The following ZC3H12D variants were observed in gnomAD, a reference collection of about 807,000 sequenced individuals.
The protein encoded by ZC3H12D is zinc finger CCCH-type containing 12D.
ZC3H12D carries 11 observed loss-of-function variants against 24.2 expected under a neutral mutation model. The ratio of observed to expected loss-of-function variants is 0.46; its 90% confidence interval spans 0.29 to 0.75. The LOEUF (loss-of-function observed/expected upper bound fraction) is 0.75. Among genes scored for constraint, ZC3H12D ranks in the 30% least tolerant of loss-of-function variants. The pLI is 0.11. For synonymous variants in ZC3H12D, 333 were observed against 341.8 expected, an observed-to-expected ratio of 0.97 and a Z score of 0.28; for missense variants, 740 against 767.7, an observed-to-expected ratio of 0.96 and a Z score of 0.43.
In ZC3H12D at chr6:149,447,503, G is replaced by A. The variant is rs1311179023; in HGVS notation, c.*3180C>T. ...TCCTGAACTCATGAAGCCCACCAAAGTGCTGGGATTACAGACATGAGCCAT... is the reference window on the plus strand; with the variant it reads ...TCCTGAACTCATGAAGCCCACCAAAATGCTGGGATTACAGACATGAGCCAT... On this transcript the variant is annotated 3_prime_UTR_variant, in exon 6 of 6. Transcript: ENST00000409806. The A allele has an allele frequency of 2.0e-5, 3 of 152,122 alleles. No individual in the cohort carries two copies. Among genetic ancestry groups the A allele is most frequent in the Non-Finnish European group, 4.4e-5 (3 of 68,044 alleles). The allele number at this position is 152,122 out of a possible 1,614,324, so 9.4% of individuals were successfully genotyped here.
In ZC3H12D at chr6:149,477,067, G is replaced by A. The variant is rs781717714; in HGVS notation, c.-70-2454C>T. Among the ~76,000 whole-genome samples, 13 of 152,202 alleles carry A rather than the reference G, an allele frequency of 8.5e-5. No homozygotes were observed. In the East Asian group the frequency reaches 9.6e-4, roughly 11 times the overall value. Reference sequence around the variant, plus strand: ...ACAAATCAGGCTCAGTGAACATTCCGGCACATCCACCTTTCTCCCTCATCC... The same window carrying A: ...ACAAATCAGGCTCAGTGAACATTCCAGCACATCCACCTTTCTCCCTCATCC... On this transcript the variant is annotated intron_variant, in intron 1 of 5. Coordinates refer to ENST00000409806, the MANE Select transcript of ZC3H12D (RefSeq NM_207360.3).
intron 3 of ZC3H12D, chr6:149,459,817 C>T (rs1776043847): frequency 3.0e-6 from 2 of 667,588 alleles, no homozygotes; most frequent in Admixed American, 4.5e-5. Flanking sequence ...CTGCTCCATG[C>T]CAGGTATACT....
At position 149,451,333 on chromosome 6, in the gene ZC3H12D, G is replaced by T; in HGVS notation, c.934C>A (p.Pro312Thr). Residue 312 changes from proline (P) to threonine (T), a missense_variant, in exon 6 of 6, where the codon CCG becomes ACG. Transcript: ENST00000409806. ...GAEEQRPPRA[P>T]GGSAGARAAP... ...GCCCGGGCTCCTGCGGAGCCGCCCG[G>T]GGCTCTCGGTGGCCGCTGCTCCTCG... 1 of 1,433,712 alleles carries T rather than the reference G, an allele frequency of 7.0e-7. No homozygotes were observed. Among genetic ancestry groups the T allele is most frequent in the South Asian group, 1.4e-5 (1 of 70,624 alleles). The allele number at this position is 1,433,712 out of a possible 1,614,324, so 88.8% of individuals were successfully genotyped here. A position where few individuals can be genotyped will look rare whatever the true frequency, so the allele number is the denominator to read the frequency against.
In ZC3H12D at chr6:149,450,447, C is replaced by T; in HGVS notation, c.*236G>A. ...TCTCCGTGCACATGGAAAATCATTCCCTCCACGGAAGTGGGTGGACCTCCC... is the reference window on the plus strand; with the variant it reads ...TCTCCGTGCACATGGAAAATCATTCTCTCCACGGAAGTGGGTGGACCTCCC... On this transcript the variant is annotated 3_prime_UTR_variant, in exon 6 of 6. Coordinates refer to ENST00000409806, the MANE Select transcript of ZC3H12D (RefSeq NM_207360.3). 2.0e-6 allele frequency: 1 copy of T among 496,112 alleles called. No homozygotes were observed. 30.7% of individuals were successfully genotyped at this position (496,112 alleles called of 1,614,324 possible). A position where few individuals can be genotyped will look rare whatever the true frequency, so the allele number is the denominator to read the frequency against.
At chr6:149,474,200 G>T in intron 2 of ZC3H12D, 39 bp downstream of exon 2, 1 of 1,437,102 alleles carries the variant, frequency 7.0e-7, no homozygotes, top group Non-Finnish European at 9.2e-7. Flanking sequence ...TGCGAACAGG[G>T]GCCTCCCCAG....
intron 2 of ZC3H12D, among the ~76,000 whole-genome samples, chr6:149,470,549 A>G (rs1776228458): frequency 6.6e-6 from 1 of 152,166 alleles, no homozygotes. Flanking sequence ...AAAAAAAATA[A>G]AAATAAAATG....
Position 149,451,131 on chromosome 6 carries a change from A to T in ZC3H12D, c.1136T>A (p.Val379Glu). The T allele has an allele frequency of 7.4e-7, 1 of 1,342,900 alleles. No individual in the cohort carries two copies. Among genetic ancestry groups the T allele is most frequent in the Non-Finnish European group, 9.5e-7 (1 of 1,052,862 alleles). The allele number at this position is 1,342,900 out of a possible 1,614,324, so 83.2% of individuals were successfully genotyped here. The change falls in exon 6 of 6, where the codon GTG (valine) becomes GAG (glutamate). Residue 379 changes from valine to glutamate, a missense_variant. Val to Glu is a moderately radical substitution (Grantham distance 121). Transcript: ENST00000409806. ...LTPRLGGPDW[V>E]SAGGRVPGPL... ...GCCTGGCACCCGGCCGCCCGCGGAC[A>T]CCCAGTCGGGCCCGCCCAGTCGGGG...
At position 149,452,594 on chromosome 6, in the gene ZC3H12D, C is replaced by A. The variant is rs552038438; in HGVS notation, c.787+22G>T. On this transcript the variant is annotated intron_variant, in intron 5 of 5. Coordinates refer to ENST00000409806, the MANE Select transcript of ZC3H12D (RefSeq NM_207360.3). The surrounding 1 kb of genome is among the most constrained non-coding windows in gnomAD (Gnocchi z 4.0). ...CACACAAGGCCCTGAACAGGGCCTG[C>A]GAAGCACTGGGCCCTACCCACCATA... The A allele has an allele frequency of 1.3e-6, 2 of 1,511,232 alleles. No individual in the cohort carries two copies. The highest frequency in any genetic ancestry group is 1.3e-5 in the South Asian group (1 of 75,048). The allele number at this position is 1,511,232 out of a possible 1,614,324, so 93.6% of individuals were successfully genotyped here.
Position 149,456,638 on chromosome 6 carries a change from A to AC in ZC3H12D, c.680+27_680+28insG. 2.9e-6 allele frequency: 2 copies of AC among 679,874 alleles called. No homozygotes were observed. The highest frequency in any genetic ancestry group is 1.9e-5 in the African/African-American group (1 of 52,870). The allele number at this position is 679,874 out of a possible 1,614,324, so 42.1% of individuals were successfully genotyped here. A position where few individuals can be genotyped will look rare whatever the true frequency, so the allele number is the denominator to read the frequency against. On this transcript the variant is annotated intron_variant, in intron 4 of 5. Coordinates refer to ENST00000409806, the MANE Select transcript of ZC3H12D (RefSeq NM_207360.3). The surrounding 1 kb of genome is among the most constrained non-coding windows in gnomAD (Gnocchi z 4.3). The stretch of plus-strand genomic sequence containing the variant: ...CCGGCCCCCCGCCCCGCCGCCCCCC[A>AC]GGGTGTCAGGACCCCAGCCGGACCT...
Position 149,474,566 on chromosome 6 carries a change from GCAGGTCCTGCCC to G in ZC3H12D, c.-35_-24del. On this transcript the variant is annotated 5_prime_UTR_variant, in exon 2 of 6. Transcript: ENST00000409806. ...CATGCTGTGCCCAGCGGCCACTGGC[GCAGGTCCTGCCC>G]CAGGCTTCCTCCTCTCAGAGCCCTG... 6.9e-7 allele frequency: 1 copy of G among 1,457,242 alleles called. No homozygotes were observed. The highest frequency in any genetic ancestry group is 2.4e-5 in the East Asian group (1 of 41,360). The allele number at this position is 1,457,242 out of a possible 1,614,324, so 90.3% of individuals were successfully genotyped here.
intron 2 of ZC3H12D, 63 bp downstream of exon 2, chr6:149,474,176 G>T: frequency 7.2e-7 from 1 of 1,385,030 alleles, no homozygotes. Flanking sequence ...AAGAGGGACA[G>T]TTCTCAGGGC....
intron 2 of ZC3H12D, among the ~76,000 whole-genome samples, chr6:149,467,782 T>C (rs1263545647): frequency 4.6e-5 from 7 of 152,168 alleles, no homozygotes; most frequent in East Asian, 3.9e-4. Context: ...CCAAAGACCA[T>C]TGATTCCCCC....
At chr6:149,465,039 G>A (rs1166694309) in intron 2 of ZC3H12D, among the ~76,000 whole-genome samples, 21 of 152,168 alleles carry the variant, frequency 1.4e-4, no homozygotes, top group Admixed American at 1.4e-3. Context: ...ATTTTCTCAA[G>A]GAAGATTAGG....
chr6:149,466,659 C>A (rs1335191418), intron 2 of ZC3H12D, among the ~76,000 whole-genome samples: 1 of 152,094 alleles, frequency 6.6e-6, no homozygotes, highest in African/African-American at 2.4e-5. Context: ...GGGCGGATCA[C>A]GAGGTCAGGA....
chr6:149,473,722 C>T (rs1776285117), intron 2 of ZC3H12D, among the ~76,000 whole-genome samples: 1 of 152,206 alleles, frequency 6.6e-6, no homozygotes, highest in African/African-American at 2.4e-5. Flanking sequence ...CACTTCAAAG[C>T]ACACCTTCCC....
intron 2 of ZC3H12D, among the ~76,000 whole-genome samples, chr6:149,469,943 G>A (rs912803219): frequency 6.6e-6 from 1 of 152,178 alleles, no homozygotes; most frequent in African/African-American, 2.4e-5. Flanking sequence ...GAATGGTAAT[G>A]TCTGGGGGGA....
rs1324492155 is a variant in ZC3H12D, at chr6:149,461,985, CAAAGAAATCAT to C, written c.306-26_306-16del. On this transcript the variant is annotated splice_polypyrimidine_tract_variant and intron_variant, in intron 2 of 5. Coordinates refer to ENST00000409806, the MANE Select transcript of ZC3H12D (RefSeq NM_207360.3). ...TATTTCCATGGCTACAATGGGAAAA[CAAAGAAATCAT>C]AGAGACACAGCAAGTGTTCCTAAGA... The C allele has an allele frequency of 6.2e-7, 1 of 1,605,652 alleles. No homozygotes were observed. Among genetic ancestry groups the C allele is most frequent in the South Asian group, 1.1e-5 (1 of 89,054 alleles).
At position 149,462,419 on chromosome 6, in the gene ZC3H12D, G is replaced by T. The variant is rs186592518; in HGVS notation, c.306-449C>A. 6.7e-5 allele frequency among the ~76,000 whole-genome samples: 10 copies of T among 149,694 alleles called. No homozygotes were observed. In the East Asian group the frequency reaches 1.8e-3, roughly 27 times the overall value. ...AAAAAAAAACCACACACACACACAA[G>T]AAAATCTACACTTTAAAGATAGTTC... On this transcript the variant is annotated intron_variant, in intron 2 of 5. Transcript: ENST00000409806.
Position 149,450,807 on chromosome 6 carries a change from C to G in ZC3H12D, c.1460G>C (p.Ser487Thr). Residue 487 changes from serine to threonine, a missense_variant, in exon 6 of 6, where the codon AGC becomes ACC. Physicochemically the swap from Ser to Thr is moderately conservative, Grantham distance 58. Transcript: ENST00000409806. The stretch of plus-strand genomic sequence containing the variant: ...GTCCACCTGGTCACGCGGGAAGACG[C>G]TGTAGAGCGCGATGCGAGCCCGGGC... ...ARARARIALY[S>T]VFPRDQVDRV... The G allele has an allele frequency of 6.5e-7, 1 of 1,548,408 alleles. No individual in the cohort carries two copies. Among genetic ancestry groups the G allele is most frequent in the East Asian group, 2.4e-5 (1 of 40,910 alleles).
Sources: gnomAD v4.1 joint callset for allele counts (sites outside exome capture counted in the v4.1 genomes callset) on GRCh38, gnomAD v4.1.1 for gene constraint, Gnocchi (gnomAD v3.1) non-coding constraint, MANE v1.5 for transcripts, NCBI Gene and HGNC (gene_info 2026-07-23, HGNC 2026-07-21) for gene names.